The following FGF13 variants were observed in gnomAD, a reference collection of about 807,000 sequenced individuals.
FGF13 encodes the protein fibroblast growth factor 13.
FGF13 carries 2 observed loss-of-function variants against 19.5 expected under a neutral mutation model. The ratio of observed to expected loss-of-function variants is 0.10; its 90% CI spans 0.04 to 0.32. FGF13 has a LOEUF of 0.32. FGF13 is among the 10% of genes least tolerant of loss of function. The pLI is 1.00. For missense variants in FGF13, 113 were observed against 192.7 expected, an observed-to-expected ratio of 0.59 and a Z score of 2.45; for synonymous variants, 72 against 76.9, an observed-to-expected ratio of 0.94 and a Z score of 0.33.
intron 1 of FGF13, among the ~76,000 whole-genome samples, chrX:139,006,664 C>T (rs1407139758): frequency 9.0e-6 from 1 of 111,332 alleles, no homozygotes; most frequent in Non-Finnish European, 1.9e-5. Context: ...AAATATAAAT[C>T]AAAACATCAA....
chrX:139,037,082 A>C (rs1173493881), intron 1 of FGF13, among the ~76,000 whole-genome samples: 1 of 110,943 alleles, frequency 9.0e-6, no homozygotes, highest in Non-Finnish European at 1.9e-5. Context: ...CTCTTCTACC[A>C]CAATACACTG....
chrX:139,171,754 TGAAA>T (rs764610731), intron 1 of FGF13, among the ~76,000 whole-genome samples: 1 of 112,655 alleles, frequency 8.9e-6, no homozygotes, highest in East Asian at 2.8e-4. Context: ...CACAGATATG[TGAAA>T]GAGTGTGCTA....
At chrX:139,138,432 A>G (rs1317967385) in intron 1 of FGF13, among the ~76,000 whole-genome samples, 1 of 111,944 alleles carries the variant, frequency 8.9e-6, no homozygotes, top group Non-Finnish European at 1.9e-5. Context: ...CTATTTCTGC[A>G]CCAAGGACAA....
At chrX:138,799,459 T>C (rs1213043364) in intron 3 of FGF13, among the ~76,000 whole-genome samples, 1 of 111,942 alleles carries the variant, frequency 8.9e-6, no homozygotes, top group Non-Finnish European at 1.9e-5. Context: ...TTGCATTTGC[T>C]GAACCGTGTT....
chrX:138,972,689 A>G (rs1235303144), intron 1 of FGF13, among the ~76,000 whole-genome samples: 1 of 110,895 alleles, frequency 9.0e-6, no homozygotes, highest in Non-Finnish European at 1.9e-5. Flanking sequence ...TGTCTTTTTC[A>G]TAATAGCCAT....
Position 138,630,820 on chromosome X carries a change from T to C in FGF13, c.*2030A>G, listed in dbSNP as rs1401359922. 1.8e-5 allele frequency: 2 copies of C among 112,089 alleles called. No homozygotes were observed. Among genetic ancestry groups the C allele is most frequent in the Non-Finnish European group, 3.8e-5 (2 of 53,232 alleles). 9.2% of individuals were successfully genotyped at this position (112,089 alleles called of 1,213,427 possible). On this transcript the variant is annotated 3_prime_UTR_variant, in exon 5 of 5. Coordinates refer to ENST00000315930, the MANE Select transcript of FGF13 (RefSeq NM_004114.5). ...CACATACCAATAAACCCATCTTAAG[T>C]TGAAAATGCATTTAATACACCTAAC...
At chrX:139,034,107 A>C (rs2092242068) in intron 1 of FGF13, among the ~76,000 whole-genome samples, 2 of 111,791 alleles carry the variant, frequency 1.8e-5, no homozygotes, top group African/African-American at 6.5e-5. Context: ...ACCTTATAAT[A>C]ACAACAGCAA....
intron 1 of FGF13, among the ~76,000 whole-genome samples, chrX:138,932,506 C>A (rs1446860332): frequency 1.0e-5 from 1 of 99,496 alleles, no homozygotes; most frequent in Non-Finnish European, 2.0e-5. Context: ...TTGAACCCGG[C>A]GCGGGAGGGC....
intron 3 of FGF13, among the ~76,000 whole-genome samples, chrX:138,754,568 T>C (rs1286505422): frequency 9.0e-6 from 1 of 111,560 alleles, no homozygotes. Context: ...CTGAGACTTC[T>C]GTCCTTAGAA....
intron 1 of FGF13, among the ~76,000 whole-genome samples, chrX:139,157,259 G>A (rs923939610): frequency 4.5e-5 from 5 of 111,173 alleles, no homozygotes; most frequent in Non-Finnish European, 9.4e-5. Context: ...TCAAACCCAG[G>A]TATTTCTGAT....
chrX:139,129,797 C>T (rs1287052694), intron 1 of FGF13, among the ~76,000 whole-genome samples: 1 of 111,387 alleles, frequency 9.0e-6, no homozygotes, highest in Non-Finnish European at 1.9e-5. Flanking sequence ...CACTACTAGA[C>T]CCAGGAACAG....
chrX:139,128,922 T>C (rs1296183725), intron 1 of FGF13, among the ~76,000 whole-genome samples: 1 of 110,332 alleles, frequency 9.1e-6, no homozygotes, highest in Non-Finnish European at 1.9e-5. Context: ...TTACTAGACC[T>C]TCTGCAGTCT....
In FGF13 at chrX:138,620,184, G is replaced by A. The variant is rs1298209715; in HGVS notation, c.*12666C>T. The A allele has an allele frequency of 1.8e-5, 2 of 111,510 alleles. No individual in the cohort carries two copies. The highest frequency in any genetic ancestry group is 2.8e-4 in the East Asian group (1 of 3,539). 9.2% of individuals were successfully genotyped at this position (111,510 alleles called of 1,213,427 possible). A position where few individuals can be genotyped will look rare whatever the true frequency, so the allele number is the denominator to read the frequency against. On this transcript the variant is annotated 3_prime_UTR_variant, in exon 5 of 5. Coordinates refer to ENST00000315930, the MANE Select transcript of FGF13 (RefSeq NM_004114.5). ...ATTTTCAGGGACACACATGGCGCTG[G>A]AAGCCATTATTCTTAGCAAGCTATT...
At chrX:138,643,294 T>G (rs923813013) in intron 3 of FGF13, among the ~76,000 whole-genome samples, 1 of 112,302 alleles carries the variant, frequency 8.9e-6, no homozygotes, top group African/African-American at 3.2e-5. Context: ...AAAACAATGT[T>G]TTATAAAACA....
At chrX:139,034,820 T>C (rs909767677) in intron 1 of FGF13, among the ~76,000 whole-genome samples, 1 of 112,180 alleles carries the variant, frequency 8.9e-6, no homozygotes, top group African/African-American at 3.2e-5. Flanking sequence ...GAATTACTTT[T>C]TAAATTTCCT....
intron 3 of FGF13, among the ~76,000 whole-genome samples, chrX:138,647,169 A>G (rs1233727929): frequency 1.9e-5 from 2 of 106,678 alleles, no homozygotes; most frequent in Non-Finnish European, 3.9e-5. Context: ...AGGAGTAAAC[A>G]TATTTCTTCC....
chrX:138,744,131 C>A (rs747469059), upstream of FGF13, among the ~76,000 whole-genome samples: 13 of 111,482 alleles, frequency 1.2e-4, no homozygotes, highest in African/African-American at 4.2e-4. Context: ...AGGTTGGAAA[C>A]CTTCATTCCT....
chrX:139,143,130 T>A (rs73633978), intron 1 of FGF13, among the ~76,000 whole-genome samples: 6,829 of 111,980 alleles, frequency 0.061, 516 homozygotes, highest in African/African-American at 0.21. Flanking sequence ...CAATGCAAGG[T>A]ACTCATGAGA....
At chrX:138,840,606 C>T (rs1432605071) in intron 3 of FGF13, among the ~76,000 whole-genome samples, 1 of 111,629 alleles carries the variant, frequency 9.0e-6, no homozygotes, top group East Asian at 2.8e-4. Flanking sequence ...CCTCCCCATA[C>T]CTGACTCTCA....
Sources: allele counts gnomAD v4.1 joint callset (sites outside exome capture counted in the v4.1 genomes callset), GRCh38; gene constraint gnomAD v4.1.1; transcripts MANE v1.5; gene names NCBI Gene and HGNC (gene_info 2026-07-23, HGNC 2026-07-21).